The following KCNH1 variants were observed in gnomAD, a reference collection of about 807,000 sequenced individuals.
KCNH1 encodes the protein potassium voltage-gated channel subfamily H member 1.
KCNH1 carries 27 observed loss-of-function variants against 69.2 expected under a neutral mutation model. That is an observed-to-expected ratio of 0.39 (90% confidence interval 0.29 to 0.54). The LOEUF (loss-of-function observed/expected upper bound fraction) is 0.54, where lower values mean the gene tolerates loss of function less well. KCNH1 is among the 20% of genes least tolerant of loss of function. The pLI is 0.68. For synonymous variants in KCNH1, 456 were observed against 487.7 expected, an observed-to-expected ratio of 0.93 and a Z score of 0.86; for missense variants, 798 against 1,261.6, an observed-to-expected ratio of 0.63 and a Z score of 5.57.
At chr1:211,099,521 C>T (rs942839282) in intron 3 of KCNH1, among the ~76,000 whole-genome samples, 4 of 152,192 alleles carry the variant, frequency 2.6e-5, no homozygotes, top group African/African-American at 9.7e-5. Flanking sequence ...TCTACCTCCA[C>T]AGATGTGAAA....
chr1:210,683,299 GTCTC>G lies in KCNH1; in HGVS notation c.2948_2951del (p.Arg983ThrfsTer11), dbSNP rs1323277888. On this transcript the variant is annotated frameshift_variant, in exon 11 of 11. Coordinates refer to ENST00000271751, the MANE Select transcript of KCNH1 (RefSeq NM_172362.3). LOFTEE classifies it high-confidence loss of function. The surrounding 1 kb of genome is among the most constrained non-coding windows in gnomAD (Gnocchi z 5.7). ...AGACCTCTCAGCTGGCTCCAAAAAT[GTCTC>G]TCTCTGATTCTGGGGACTGTGGCCT... 5.0e-6 allele frequency: 8 copies of G among 1,613,172 alleles called. No individual in the cohort carries two copies. The highest frequency in any genetic ancestry group is 1.3e-5 in the African/African-American group (1 of 74,784).
intron 6 of KCNH1, among the ~76,000 whole-genome samples, chr1:210,976,975 TA>T (rs1283805516): frequency 6.6e-6 from 1 of 151,704 alleles, no homozygotes; most frequent in Non-Finnish European, 1.5e-5. Context: ...CAAAGGATTA[TA>T]AAACATGCTC....
At chr1:210,787,053 C>A (rs1391802276) in intron 9 of KCNH1, among the ~76,000 whole-genome samples, 1 of 152,164 alleles carries the variant, frequency 6.6e-6, no homozygotes, top group African/African-American at 2.4e-5. Flanking sequence ...CTTTAAAATC[C>A]TCACTGGCTC....
At chr1:211,129,051 C>T (rs1691831935) in intron 1 of KCNH1, among the ~76,000 whole-genome samples, 1 of 152,180 alleles carries the variant, frequency 6.6e-6, no homozygotes, top group African/African-American at 2.4e-5. Flanking sequence ...GGAGAGGATT[C>T]AGTGGAACAG....
chr1:210,785,746 T>C (rs1166547439), intron 9 of KCNH1, among the ~76,000 whole-genome samples: 1 of 152,138 alleles, frequency 6.6e-6, no homozygotes, highest in Non-Finnish European at 1.5e-5. Context: ...ACCTGACTGA[T>C]AGGTTTGCAG....
chr1:210,827,381 C>G (rs11119612), intron 7 of KCNH1, among the ~76,000 whole-genome samples: 74,443 of 151,798 alleles, frequency 0.49, 18,259 homozygotes, highest in East Asian at 0.63. Context: ...TTTTAAAATC[C>G]CTTTATGACT....
chr1:210,770,522 C>T (rs1369166396), intron 10 of KCNH1, among the ~76,000 whole-genome samples: 4 of 152,246 alleles, frequency 2.6e-5, no homozygotes, highest in African/African-American at 9.6e-5. Context: ...TCCTTAGACT[C>T]AAAGCATTGG....
chr1:211,078,819 G>A (rs1400637640), intron 5 of KCNH1, among the ~76,000 whole-genome samples: 1 of 150,820 alleles, frequency 6.6e-6, no homozygotes, highest in African/African-American at 2.4e-5. Context: ...TCGGGAGGCT[G>A]AGGCAGTAGA....
At chr1:210,798,200 C>T (rs917823651) in intron 8 of KCNH1, among the ~76,000 whole-genome samples, 5 of 151,474 alleles carry the variant, frequency 3.3e-5, no homozygotes, top group African/African-American at 4.9e-5. Flanking sequence ...CCACCACACC[C>T]AGCTAATTTT....
At chr1:210,988,437 G>A (rs980194037) in intron 6 of KCNH1, among the ~76,000 whole-genome samples, 7 of 151,698 alleles carry the variant, frequency 4.6e-5, no homozygotes, top group African/African-American at 7.3e-5. Flanking sequence ...CCCCCTATGC[G>A]AGAATACTTA....
chr1:211,084,373 C>A (rs1296500477), intron 4 of KCNH1, among the ~76,000 whole-genome samples: 1 of 40,412 alleles, frequency 2.5e-5, no homozygotes, highest in Non-Finnish European at 4.6e-5. Context: ...AAGGGCTCTG[C>A]ACCCACCCTA....
chr1:211,015,782 T>C (rs1689481103), intron 6 of KCNH1, among the ~76,000 whole-genome samples: 1 of 152,194 alleles, frequency 6.6e-6, no homozygotes, highest in Non-Finnish European at 1.5e-5. Flanking sequence ...TCCCAGCTGT[T>C]TTAACAGGTG....
intron 10 of KCNH1, among the ~76,000 whole-genome samples, chr1:210,770,198 G>A (rs1260067551): frequency 1.3e-5 from 2 of 151,798 alleles, no homozygotes; most frequent in Non-Finnish European, 2.9e-5. Flanking sequence ...ACTGGGGCCT[G>A]TTTGGGGTGT....
intron 10 of KCNH1, among the ~76,000 whole-genome samples, chr1:210,702,989 G>T (rs1395021774): frequency 6.6e-6 from 1 of 151,838 alleles, no homozygotes; most frequent in Admixed American, 6.6e-5. Flanking sequence ...CATTTCATTG[G>T]GTTTTCTGGA....
intron 10 of KCNH1, among the ~76,000 whole-genome samples, chr1:210,742,860 C>T (rs988783830): frequency 9.9e-5 from 15 of 152,094 alleles, no homozygotes; most frequent in African/African-American, 2.2e-4. Flanking sequence ...TGTGTGTGCG[C>T]GCGCGCGTGC....
chr1:211,045,629 C>T (rs982788842), intron 5 of KCNH1, among the ~76,000 whole-genome samples: 2 of 152,112 alleles, frequency 1.3e-5, no homozygotes, highest in Admixed American at 1.3e-4. Flanking sequence ...ACAATCTATG[C>T]CATAAACCTT....
At chr1:211,014,120 C>T (rs1689450206) in intron 6 of KCNH1, among the ~76,000 whole-genome samples, 1 of 152,170 alleles carries the variant, frequency 6.6e-6, no homozygotes, top group African/African-American at 2.4e-5. Context: ...CTCCAGGGCA[C>T]CAGCATTGTC....
At chr1:210,928,753 T>G (rs1338133951) in intron 6 of KCNH1, among the ~76,000 whole-genome samples, 1 of 152,100 alleles carries the variant, frequency 6.6e-6, no homozygotes. Flanking sequence ...GAAAAGATGG[T>G]TCTTTGAAAA....
At chr1:210,931,444 C>T (rs1448196443) in intron 6 of KCNH1, among the ~76,000 whole-genome samples, 2 of 152,102 alleles carry the variant, frequency 1.3e-5, no homozygotes, top group Non-Finnish European at 2.9e-5. Context: ...TATGTTCTCA[C>T]TCACATGTGG....
Sources: gnomAD v4.1 joint callset for allele counts (sites outside exome capture counted in the v4.1 genomes callset) on GRCh38, gnomAD v4.1.1 for gene constraint, Gnocchi (gnomAD v3.1) non-coding constraint, MANE v1.5 for transcripts, NCBI Gene and HGNC (gene_info 2026-07-23, HGNC 2026-07-21) for gene names.